C21orf91: variants seen among roughly 807,000 people sequenced by gnomAD.
The protein encoded by C21orf91 is chromosome 21 open reading frame 91.
In C21orf91, 26 loss-of-function variants were observed where a neutral mutation model predicts 32.9. That is an observed-to-expected ratio of 0.79 (90% CI 0.58 to 1.10). C21orf91 has a LOEUF of 1.10. Ranked by LOEUF, C21orf91 falls within the 50% of genes least tolerant of loss-of-function variation. The pLI, the probability that C21orf91 is intolerant of heterozygous loss-of-function variation, is 0.00. For missense variants in C21orf91, 310 were observed against 341.3 expected, an observed-to-expected ratio of 0.91 and a Z score of 0.72; for synonymous variants, 126 against 120.4, an observed-to-expected ratio of 1.05 and a Z score of -0.31.
chr21:17,793,521 T>C lies in C21orf91; in HGVS notation c.788A>G (p.His263Arg). The change falls in exon 5 of 5, where the codon CAT becomes CGT. Residue 263 changes from histidine to arginine, a missense_variant. By Grantham distance (29) the His-to-Arg change is conservative. Coordinates refer to ENST00000284881, the MANE Select transcript of C21orf91 (RefSeq NM_001100420.2). ...QEKDSLASQL[H>R]VRHVAIEQLL... ...CTGTTCGATGGCAACGTGGCGGACA[T>C]GGAGCTGTGAGGCCAAAGAATCTTT... The C allele has an allele frequency of 6.2e-7, 1 of 1,613,680 alleles. No individual in the cohort carries two copies. Among genetic ancestry groups the C allele is most frequent in the Non-Finnish European group, 8.5e-7 (1 of 1,179,684 alleles).
intron 2 of C21orf91, among the ~76,000 whole-genome samples, chr21:17,800,469 C>A (rs928487837): frequency 1.3e-5 from 2 of 152,170 alleles, no homozygotes; most frequent in Admixed American, 1.3e-4. Context: ...TTTGTTGTTT[C>A]TACCTCATCA....
At chr21:17,818,420 G>C in intron 1 of C21orf91, 95 bp from the exon 2 acceptor site, 1 of 989,932 alleles carries the variant, frequency 1.0e-6, no homozygotes, top group Non-Finnish European at 1.5e-6. Context: ...TAAGGATGCT[G>C]TTCAGCTCAT....
intron 3 of C21orf91, among the ~76,000 whole-genome samples, chr21:17,796,140 C>G (rs960963512): frequency 6.6e-6 from 1 of 152,124 alleles, no homozygotes; most frequent in African/African-American, 2.4e-5. Context: ...ATGAGTCACC[C>G]TTTCTAACTT....
chr21:17,818,895 C>T (rs112855946), intron 1 of C21orf91: 4 of 152,420 alleles, frequency 2.6e-5, no homozygotes, highest in East Asian at 3.9e-4. Context: ...GGCAACTACA[C>T]CGAAGGCCGA....
chr21:17,818,849 A>G (rs1339404635), intron 1 of C21orf91: 1 of 152,354 alleles, frequency 6.6e-6, no homozygotes, highest in Non-Finnish European at 1.5e-5. Context: ...GCACGTGGGT[A>G]CCGAATACCC....
chr21:17,817,835 T>TA (rs1452631692), intron 2 of C21orf91: 10 of 164,134 alleles, frequency 6.1e-5, no homozygotes, highest in Admixed American at 1.3e-4. Context: ...CTCGAAAGAA[T>TA]AAAAAAATTG....
intron 2 of C21orf91, among the ~76,000 whole-genome samples, chr21:17,805,357 A>G (rs182872746): frequency 1.4e-4 from 22 of 152,312 alleles, no homozygotes; most frequent in Non-Finnish European, 2.4e-4. Context: ...TTTGTCACCC[A>G]GGCTGGAGTA....
intron 2 of C21orf91, among the ~76,000 whole-genome samples, chr21:17,804,028 C>A (rs2062579512): frequency 6.6e-6 from 1 of 152,186 alleles, no homozygotes; most frequent in Non-Finnish European, 1.5e-5. Flanking sequence ...GTACCTGTGA[C>A]CCTGCAGGCT....
At chr21:17,810,072 T>C (rs2062622527) in intron 2 of C21orf91, among the ~76,000 whole-genome samples, 1 of 152,194 alleles carries the variant, frequency 6.6e-6, no homozygotes, top group Non-Finnish European at 1.5e-5. Context: ...GTATGACAAA[T>C]TGAATTAGAA....
intron 2 of C21orf91, among the ~76,000 whole-genome samples, chr21:17,809,158 CTTTA>C (rs1361246744): frequency 2.6e-5 from 4 of 152,046 alleles, no homozygotes; most frequent in Non-Finnish European, 5.9e-5. Flanking sequence ...TCAGGTAGTT[CTTTA>C]TAGCAGTGTG....
At chr21:17,815,861 T>C (rs2146264683) in intron 2 of C21orf91, among the ~76,000 whole-genome samples, 1 of 152,324 alleles carries the variant, frequency 6.6e-6, no homozygotes, top group African/African-American at 2.4e-5. Flanking sequence ...GGTTTCTCCA[T>C]GTTGGTCAGG....
At chr21:17,810,043 A>T (rs1039490209) in intron 2 of C21orf91, among the ~76,000 whole-genome samples, 1 of 152,196 alleles carries the variant, frequency 6.6e-6, no homozygotes, top group Non-Finnish European at 1.5e-5. Flanking sequence ...TATTCTCCTT[A>T]TCAAATTCCT....
intron 2 of C21orf91, among the ~76,000 whole-genome samples, chr21:17,808,035 A>C (rs372338586): frequency 8.5e-5 from 13 of 152,334 alleles, no homozygotes; most frequent in South Asian, 8.3e-4. Context: ...TAAATAGCCA[A>C]AACAATGGGG....
In C21orf91 at chr21:17,809,846, G is replaced by A. The variant is rs186326445; in HGVS notation, c.127+8346C>T. On this transcript the variant is annotated intron_variant, in intron 2 of 4. Transcript: ENST00000284881. ...AAATTATGGTGAAATCAACCACAGC[G>A]CTTTCATTTTGAGATTCAGATTTAT... Among the ~76,000 whole-genome samples the A allele has an allele frequency of 6.6e-4, 100 of 152,140 alleles. 1 individual carries two copies. Among genetic ancestry groups the A allele is most frequent in the African/African-American group, 2.0e-3 (84 of 41,502 alleles).
intron 2 of C21orf91, among the ~76,000 whole-genome samples, chr21:17,800,577 A>T (rs1210845299): frequency 6.6e-6 from 1 of 152,214 alleles, no homozygotes; most frequent in Non-Finnish European, 1.5e-5. Flanking sequence ...TACAAGCGTA[A>T]ACAGCTCTGA....
At chr21:17,805,350 G>A (rs1441314425) in intron 2 of C21orf91, among the ~76,000 whole-genome samples, 2 of 152,160 alleles carry the variant, frequency 1.3e-5, no homozygotes, top group African/African-American at 4.8e-5. Flanking sequence ...TTTTGCTTTT[G>A]TCACCCAGGC....
chr21:17,818,444 T>C, intron 1 of C21orf91, 119 bp from the exon 2 acceptor site: 1 of 766,792 alleles, frequency 1.3e-6, no homozygotes, highest in South Asian at 1.8e-5. Context: ...AAGCAAAAGC[T>C]CCATCAAACA....
intron 2 of C21orf91, among the ~76,000 whole-genome samples, chr21:17,802,461 C>T (rs1049633025): frequency 6.6e-6 from 1 of 152,196 alleles, no homozygotes; most frequent in Non-Finnish European, 1.5e-5. Context: ...CCTGGGATCA[C>T]AGTGGCGTGA....
chr21:17,806,817 G>A (rs921727375), intron 2 of C21orf91, among the ~76,000 whole-genome samples: 7 of 151,966 alleles, frequency 4.6e-5, no homozygotes, highest in Non-Finnish European at 8.8e-5. Flanking sequence ...TCCAGCCTGG[G>A]CAACAAAGCG....
Sources: gnomAD v4.1 joint callset for allele counts (sites outside exome capture counted in the v4.1 genomes callset) on GRCh38, gnomAD v4.1.1 for gene constraint, MANE v1.5 for transcripts, NCBI Gene and HGNC (gene_info 2026-07-23, HGNC 2026-07-21) for gene names.